Variants in RYR1 observed in about 807,000 individuals in gnomAD.
RYR1 encodes ryanodine receptor 1, also known as central core disease of muscle.
Under a neutral mutation model 583.5 loss-of-function variants are expected in RYR1, and 342 were observed. The ratio of observed to expected loss-of-function variants is 0.59; its 90% confidence interval spans 0.54 to 0.64. The LOEUF (loss-of-function observed/expected upper bound fraction) is 0.64, where lower values mean the gene tolerates loss of function less well. Ranked by LOEUF, RYR1 falls within the 30% of genes least tolerant of loss-of-function variation. RYR1 has a pLI of 0.00. For synonymous variants in RYR1, 2,791 were observed against 2,822.5 expected (o/e 0.99, Z 0.35); for missense variants, 6,032 against 6,917.2 (o/e 0.87, Z 4.54).
intron 27 of RYR1, among the ~76,000 whole-genome samples, chr19:38,472,854 AAAAG>A (rs1193202462): frequency 6.0e-5 from 9 of 149,272 alleles, no homozygotes; most frequent in African/African-American, 1.3e-4. Flanking sequence ...AAAAAAAAAA[AAAAG>A]AAGTCTGAGA....
chr19:38,581,203 G>A (rs935984160), intron 101 of RYR1, among the ~76,000 whole-genome samples: 3 of 151,652 alleles, frequency 2.0e-5, no homozygotes, highest in South Asian at 2.1e-4. Context: ...TCTGCCTCCC[G>A]AGTAGCTGGG....
chr19:38,586,532 C>T lies in RYR1; in HGVS notation c.14977C>T (p.Leu4993=). The stretch of plus-strand genomic sequence containing the variant: ...TGGTCCTCTCACCCTCAGGTTTTTC[C>T]TGATGTATTTGATAAACAAGGATGA... ...EHNLANYMFF[L]MYLINKDETE... The change falls in exon 105 of 106, where the codon CTG becomes TTG. Residue 4993 remains leucine, a synonymous_variant. Coordinates refer to ENST00000359596, the MANE Select transcript of RYR1 (RefSeq NM_000540.3). The T allele has an allele frequency of 2.5e-6, 4 of 1,614,064 alleles. No homozygotes were observed. The highest frequency in any genetic ancestry group is 3.4e-6 in the Non-Finnish European group (4 of 1,179,968).
intron 66 of RYR1, among the ~76,000 whole-genome samples, chr19:38,517,949 C>T (rs568915490): frequency 7.9e-5 from 12 of 152,210 alleles, no homozygotes; most frequent in African/African-American, 2.9e-4. Flanking sequence ...CTTTAAAAAA[C>T]AAAACAAAAC....
At chr19:38,555,297 A>G (rs1972831931) in intron 89 of RYR1, among the ~76,000 whole-genome samples, 2 of 151,956 alleles carry the variant, frequency 1.3e-5, no homozygotes, top group African/African-American at 2.4e-5. Context: ...CTAAAAATAC[A>G]AAAAATTAGC....
intron 95 of RYR1, 149 bp downstream of exon 95, chr19:38,572,419 C>A: frequency 1.0e-6 from 1 of 981,902 alleles, no homozygotes; most frequent in Non-Finnish European, 1.5e-6. Context: ...GAACTGGGTA[C>A]AGGATTGGGG....
chr19:38,464,874 T>G, intron 23 of RYR1, 152 bp downstream of exon 23: 1 of 677,370 alleles, frequency 1.5e-6, no homozygotes, highest in Non-Finnish European at 2.7e-6. Context: ...GTCAGGGCTC[T>G]GGGGTCAGAG....
Position 38,547,249 on chromosome 19 carries a change from C to T in RYR1, c.12094+723C>T, listed in dbSNP as rs1163690671. Among the ~76,000 whole-genome samples the T allele has an allele frequency of 4.3e-5, 6 of 140,384 alleles. No homozygotes were observed. In the Admixed American group the frequency reaches 4.5e-4, roughly 11 times the overall value. 92.1% of individuals were successfully genotyped at this position (140,384 alleles called of 152,430 possible). On this transcript the variant is annotated intron_variant, in intron 88 of 105. Transcript: ENST00000359596. ...TGTATTTTTAGTAGAGACGGGGTTT[C>T]ACCATGTTGGTCAGGATGGTCTGGA... is the stretch of plus-strand genomic sequence containing the variant.
intron 13 of RYR1, 135 bp downstream of exon 13, chr19:38,453,149 G>A: frequency 1.1e-6 from 1 of 871,130 alleles, no homozygotes; most frequent in Non-Finnish European, 1.7e-6. Context: ...GGCGGGGCAG[G>A]AGAAGGAGCC....
At chr19:38,463,147 C>CCCCCCCCCCCCCCCT (rs1967867380) in intron 20 of RYR1, among the ~76,000 whole-genome samples, 1 of 63,324 alleles carries the variant, frequency 1.6e-5, no homozygotes, top group African/African-American at 5.9e-5. Flanking sequence ...ATCTGCCCCC[C>CCCCCCCCCCCCCCCT]CCCCCCCCAC....
Position 38,451,852 on chromosome 19 carries a change from A to G in RYR1, c.1211A>G (p.His404Arg), listed in dbSNP as rs561546643. 79 of 1,614,118 alleles carry G rather than the reference A, an allele frequency of 4.9e-5. No homozygotes were observed. In the South Asian group the frequency reaches 6.9e-4, roughly 14 times the overall value. ...QEESQAARMI[H>R]STNGLYNQFI... The stretch of plus-strand genomic sequence containing the variant: ...GAGTCCCAGGCCGCCCGCATGATCC[A>G]CAGCACCAATGGCCTATACAACCAG... Residue 404 changes from histidine to arginine, a missense_variant, in exon 12 of 106, where the codon CAC becomes CGC. Coordinates refer to ENST00000359596, the MANE Select transcript of RYR1 (RefSeq NM_000540.3).
chr19:38,524,015 C>T, intron 70 of RYR1, 86 bp downstream of exon 70: 2 of 1,507,086 alleles, frequency 1.3e-6, no homozygotes, highest in Non-Finnish European at 1.8e-6. Context: ...CTCGAGAAAA[C>T]CCCTGCTTCT....
chr19:38,567,991 C>T (rs1973525654), intron 93 of RYR1, 74 bp downstream of exon 93: 7 of 1,538,566 alleles, frequency 4.5e-6, no homozygotes, highest in East Asian at 2.3e-5. Flanking sequence ...CTCTCCTGCT[C>T]ACCTTGTTCT....
intron 89 of RYR1, among the ~76,000 whole-genome samples, chr19:38,550,250 C>T (rs778829166): frequency 1.3e-5 from 2 of 152,054 alleles, no homozygotes; most frequent in East Asian, 1.9e-4. Flanking sequence ...CAACCCAGAA[C>T]CAGGGATTGT....
In RYR1 at chr19:38,444,113, A is replaced by G. The variant is rs1185917419; in HGVS notation, c.425-36A>G. The G allele has an allele frequency of 6.4e-7, 1 of 1,566,988 alleles. No homozygotes were observed. The highest frequency in any genetic ancestry group is 1.4e-5 in the African/African-American group (1 of 73,940). The stretch of plus-strand genomic sequence containing the variant: ...GGGAAGAGCATTCTGGGAAGCCATC[A>G]TCTGACAGCCACCCCCATTCCATCC... On this transcript the variant is annotated intron_variant, in intron 5 of 105. Transcript: ENST00000359596. The surrounding 1 kb of genome is among the most constrained non-coding windows in gnomAD (Gnocchi z 5.1).
intron 95 of RYR1, among the ~76,000 whole-genome samples, chr19:38,572,785 A>C (rs1973778973): frequency 1.5e-5 from 2 of 133,632 alleles, no homozygotes; most frequent in African/African-American, 2.9e-5. Context: ...TCCAGCCCTG[A>C]CCCCTATATG....
At position 38,561,473 on chromosome 19, in the gene RYR1, G is replaced by A. The variant is rs772809679; in HGVS notation, c.12624+19G>A. ...GCCCCAGGTCAGGGAACCCGCGCGC[G>A]TGCAAGCTCGCCTCCTGGGGCTTCG... On this transcript the variant is annotated intron_variant, in intron 90 of 105. Coordinates refer to ENST00000359596, the MANE Select transcript of RYR1 (RefSeq NM_000540.3). This position sits in a 1 kb window ranked among gnomAD's most constrained non-coding sequence, Gnocchi z 4.8. 3 of 1,596,762 alleles carry A rather than the reference G, an allele frequency of 1.9e-6. No individual in the cohort carries two copies. The highest frequency in any genetic ancestry group is 2.6e-6 in the Non-Finnish European group (3 of 1,174,142).
At chr19:38,457,458 G>C in intron 16 of RYR1, 39 bp from the exon 17 acceptor site, 2 of 1,613,910 alleles carry the variant, frequency 1.2e-6, no homozygotes, top group Non-Finnish European at 1.7e-6. Flanking sequence ...TCCTGCCCTG[G>C]TGCCTACACA....
rs1338950461 is a variant in RYR1, at chr19:38,506,353, T to C, written c.8592T>C (p.Ala2864=). 42 of 1,613,628 alleles carry C rather than the reference T, an allele frequency of 2.6e-5. No homozygotes were observed. The highest frequency in any genetic ancestry group is 3.5e-5 in the Non-Finnish European group (41 of 1,179,832). ...GYNPQPPDLS[A]VTLSRELQAM... is the part of the protein sequence containing the mutation. ...ACCCTCAGCCCCCCGACCTTAGTGC[T>C]GTTACCCTGTCCCGGGAGCTGCAGG... The change falls in exon 55 of 106, where the codon GCT becomes GCC. Residue 2864 remains alanine (A), a synonymous_variant. Coordinates refer to ENST00000359596, the MANE Select transcript of RYR1 (RefSeq NM_000540.3).
At position 38,485,777 on chromosome 19, in the gene RYR1, G is replaced by A. The variant is rs376833141; in HGVS notation, c.5122G>A (p.Ala1708Thr). 2 of 1,613,130 alleles carry A rather than the reference G, an allele frequency of 1.2e-6. No homozygotes were observed. The highest frequency in any genetic ancestry group is 1.6e-4 in the Middle Eastern group (1 of 6,062). Reference protein sequence around the residue: ...EDAHLPGPLRAGYYDLLISIH... With the variant: ...EDAHLPGPLRTGYYDLLISIH... ...CGCGCACCTGCCAGGCCCACTGCGC[G>A]CAGGCTACTATGACCTCCTCATCAG... The change falls in exon 34 of 106, where the codon GCA (alanine) becomes ACA (threonine). Residue 1708 changes from alanine to threonine, a missense_variant. Ala to Thr is a moderately conservative substitution (Grantham distance 58, BLOSUM62 0). Coordinates refer to ENST00000359596, the MANE Select transcript of RYR1 (RefSeq NM_000540.3).
Sources: allele counts gnomAD v4.1 joint callset (sites outside exome capture counted in the v4.1 genomes callset), GRCh38; gene constraint gnomAD v4.1.1; non-coding constraint Gnocchi (gnomAD v3.1); transcripts MANE v1.5; gene names NCBI Gene and HGNC (gene_info 2026-07-23, HGNC 2026-07-21).